The following ANO10 variants were observed in gnomAD, a reference collection of about 807,000 sequenced individuals.
The protein encoded by ANO10 is anoctamin 10.
ANO10 carries 77 observed loss-of-function variants against 74.7 expected under a neutral mutation model. The ratio of observed to expected loss-of-function variants is 1.03; its 90% CI spans 0.86 to 1.25. The LOEUF (loss-of-function observed/expected upper bound fraction) is 1.25, where lower values mean the gene tolerates loss of function less well. ANO10 is among the 50% of genes most tolerant of loss of function. The pLI, the probability that ANO10 is intolerant of heterozygous loss-of-function variation, is 0.00. For missense variants in ANO10, 721 were observed against 778.1 expected (o/e 0.93, Z 0.87); for synonymous variants, 279 against 284.9 (o/e 0.98, Z 0.21).
chr3:43,560,728 A>G (rs895605709), intron 9 of ANO10, among the ~76,000 whole-genome samples: 4 of 152,236 alleles, frequency 2.6e-5, no homozygotes, highest in African/African-American at 9.6e-5. Context: ...AAAGTAATTC[A>G]GAAAGTCTCT....
At chr3:43,594,508 A>T (rs2081976220) in intron 4 of ANO10, among the ~76,000 whole-genome samples, 1 of 152,232 alleles carries the variant, frequency 6.6e-6, no homozygotes, top group Admixed American at 6.5e-5. Flanking sequence ...CTCCTGAATG[A>T]CTACTGGGTA....
intron 12 of ANO10, among the ~76,000 whole-genome samples, chr3:43,404,639 T>C (rs936943334): frequency 1.3e-5 from 2 of 152,122 alleles, no homozygotes; most frequent in Admixed American, 6.6e-5. Context: ...CCCAGCATTT[T>C]ACAAGGCTGA....
chr3:43,500,878 C>A (rs1252721751), intron 11 of ANO10, among the ~76,000 whole-genome samples: 1 of 152,034 alleles, frequency 6.6e-6, no homozygotes, highest in African/African-American at 2.4e-5. Flanking sequence ...ATAGCTCAAC[C>A]TAGAATGGTG....
intron 11 of ANO10, among the ~76,000 whole-genome samples, chr3:43,496,847 T>G (rs964874521): frequency 6.6e-6 from 1 of 152,174 alleles, no homozygotes; most frequent in Non-Finnish European, 1.5e-5. Flanking sequence ...CTCTGATTTT[T>G]GTTCTCTTCT....
intron 11 of ANO10, chr3:43,485,765 G>T: frequency 4.3e-6 from 1 of 233,968 alleles, no homozygotes; most frequent in Non-Finnish European, 8.6e-6. Flanking sequence ...GGGACCTGTT[G>T]ACAAATGATT....
At chr3:43,626,027 G>A (rs1031062720), upstream of ANO10, among the ~76,000 whole-genome samples, 3 of 151,634 alleles carry the variant, frequency 2.0e-5, no homozygotes, top group East Asian at 1.9e-4. Flanking sequence ...TCCGCCTCAC[G>A]GGTTCAAATG....
chr3:43,393,577 G>C (rs1037444943), intron 12 of ANO10, among the ~76,000 whole-genome samples: 1 of 152,074 alleles, frequency 6.6e-6, no homozygotes. Context: ...CTGTGTGCAA[G>C]GCTCCTTCCT....
At chr3:43,425,786 G>A (rs915756497) in intron 12 of ANO10, among the ~76,000 whole-genome samples, 1 of 152,120 alleles carries the variant, frequency 6.6e-6, no homozygotes, top group Admixed American at 6.5e-5. Context: ...TTTCTTTGAC[G>A]TATTTTGAAA....
chr3:43,607,179 C>A (rs191411651), intron 1 of ANO10, among the ~76,000 whole-genome samples: 1 of 151,930 alleles, frequency 6.6e-6, no homozygotes, highest in Admixed American at 6.6e-5. Flanking sequence ...GAATATGTGA[C>A]CTGTATTTTT....
At chr3:43,465,093 C>T (rs1428527390) in intron 11 of ANO10, among the ~76,000 whole-genome samples, 1 of 152,094 alleles carries the variant, frequency 6.6e-6, no homozygotes, top group African/African-American at 2.4e-5. Context: ...TGGTCATGTA[C>T]AGAGTAAATC....
chr3:43,628,009 C>T (rs2083508420), intron 1 of ANO10, among the ~76,000 whole-genome samples: 1 of 152,058 alleles, frequency 6.6e-6, no homozygotes, highest in South Asian at 2.1e-4. Flanking sequence ...GCCTCAGCCT[C>T]CTGAGTAGCT....
At chr3:43,677,125 G>A (rs2084133215) in intron 1 of ANO10, among the ~76,000 whole-genome samples, 2 of 152,046 alleles carry the variant, frequency 1.3e-5, no homozygotes. Flanking sequence ...AAGAAAATGC[G>A]GTACACATAC....
chr3:43,484,145 C>T (rs2076375642), intron 11 of ANO10, among the ~76,000 whole-genome samples: 1 of 152,026 alleles, frequency 6.6e-6, no homozygotes, highest in Non-Finnish European at 1.5e-5. Flanking sequence ...GTTGCCCAGG[C>T]TGGTCTCAAT....
intron 12 of ANO10, among the ~76,000 whole-genome samples, chr3:43,375,596 A>G (rs1001248374): frequency 6.6e-6 from 1 of 152,208 alleles, no homozygotes; most frequent in Non-Finnish European, 1.5e-5. Flanking sequence ...GAGCAGCTGA[A>G]ACTCAGATGC....
chr3:43,501,747 A>T (rs1445045099), intron 11 of ANO10, among the ~76,000 whole-genome samples: 1 of 152,202 alleles, frequency 6.6e-6, no homozygotes, highest in Non-Finnish European at 1.5e-5. Flanking sequence ...GAATGGAACT[A>T]AATCTGTCCA....
intron 11 of ANO10, among the ~76,000 whole-genome samples, chr3:43,545,390 T>TTTC (rs2079141260): frequency 1.3e-5 from 2 of 151,882 alleles, no homozygotes; most frequent in East Asian, 1.9e-4. Context: ...TTGTTTTTTT[T>TTTC]TTAGACAGAG....
chr3:43,557,734 CAA>C (rs893586520), intron 9 of ANO10, among the ~76,000 whole-genome samples: 6 of 43,302 alleles, frequency 1.4e-4, no homozygotes, highest in Admixed American at 4.7e-4. Context: ...GACTCTGTCT[CAA>C]AAAAAAAAAA....
At chr3:43,488,335 A>G (rs1459061424) in intron 11 of ANO10, among the ~76,000 whole-genome samples, 2 of 150,776 alleles carry the variant, frequency 1.3e-5, no homozygotes, top group Non-Finnish European at 3.0e-5. Context: ...TAATTAAACT[A>G]AAGAGCTTCT....
rs567876190 is a variant in ANO10, at chr3:43,471,559, T to G, written c.1798-38832A>C. On this transcript the variant is annotated intron_variant, in intron 11 of 12. Transcript: ENST00000292246. ...TCCCATAGGTACTCCCATATTATGA[T>G]GAAATCCCAAGCTTCTAGACACAAT... Among the ~76,000 whole-genome samples the G allele has an allele frequency of 2.0e-5, 3 of 152,280 alleles. No individual in the cohort carries two copies. The East Asian group carries it at 5.8e-4, about 29-fold the overall frequency.
Sources: gnomAD v4.1 joint callset for allele counts (sites outside exome capture counted in the v4.1 genomes callset) on GRCh38, gnomAD v4.1.1 for gene constraint, MANE v1.5 for transcripts, NCBI Gene and HGNC (gene_info 2026-07-23, HGNC 2026-07-21) for gene names.